The following FABP1 variants were observed in gnomAD, a reference collection of about 807,000 sequenced individuals.
FABP1 encodes the protein fatty acid-binding protein, liver.
A neutral mutation model predicts 13.7 loss-of-function variants in FABP1; 13 were observed. The observed-to-expected ratio is 0.95, with a 90% CI of 0.62 to 1.51. The LOEUF (loss-of-function observed/expected upper bound fraction) is 1.51. Among genes scored for constraint, FABP1 ranks in the 40% most tolerant of loss-of-function variants. The pLI is 0.00. For synonymous variants in FABP1, 48 were observed against 59.8 expected (o/e 0.80, Z 0.91); for missense variants, 140 against 155.7 (o/e 0.90, Z 0.54).
rs1324514528 is a variant in FABP1, at chr2:88,123,192, A to G, written c.334-88T>C. ...AAGCATAAAAAACAAAATTAAGCTT[A>G]AAAAACAGCACCAAATATGTTGGCA... On this transcript the variant is annotated intron_variant, in intron 3 of 3. Transcript: ENST00000295834. The G allele has an allele frequency of 1.1e-5, 12 of 1,044,134 alleles. No individual in the cohort carries two copies. In the East Asian group the frequency reaches 3.0e-4, roughly 26 times the overall value. 64.7% of individuals were successfully genotyped at this position (1,044,134 alleles called of 1,614,324 possible).
chr2:88,126,604 C>T (rs1167631920), intron 1 of FABP1: 10 of 379,522 alleles, frequency 2.6e-5, no homozygotes, highest in Non-Finnish European at 3.9e-5. Flanking sequence ...CCTGAAGAAC[C>T]GTTCCTCTTG....
intron 3 of FABP1, chr2:88,123,421 A>G (rs572348703): frequency 5.5e-6 from 2 of 362,054 alleles, no homozygotes; most frequent in South Asian, 3.8e-5. Context: ...TCAAAATTTC[A>G]TTGAGTACCT....
In FABP1 at chr2:88,124,612, T is replaced by A. The variant is rs1675263633; in HGVS notation, c.241-26A>T. On this transcript the variant is annotated intron_variant, in intron 2 of 3. Transcript: ENST00000295834. ...CTGCAGGGAACAGAGAGGTGACCTG[T>A]GAGGAAGGGGTGGTGGGGGGCAAGA... 2.6e-6 allele frequency: 4 copies of A among 1,567,166 alleles called. No individual in the cohort carries two copies. In the South Asian group the frequency reaches 4.5e-5, roughly 18 times the overall value.
chr2:88,126,182 T>G lies in FABP1; in HGVS notation c.234A>C (p.Lys78Asn), dbSNP rs770473775. Residue 78 changes from lysine (K) to asparagine (N), a missense_variant, in exon 2 of 4, where the codon AAA becomes AAC. Physicochemically the swap from Lys to Asn is moderately conservative, Grantham distance 94. Coordinates refer to ENST00000295834, the MANE Select transcript of FABP1 (RefSeq NM_001443.3). Reference protein sequence around the residue: ...ECELETMTGEKVKTVVQLEGD... With the variant: ...ECELETMTGENVKTVVQLEGD... ...AGAAGGGATGCCCTCCTACCTTGAC[T>G]TTCTCCCCTGTCATTGTCTCCAGCT... 6.2e-7 allele frequency: 1 copy of G among 1,603,542 alleles called. No homozygotes were observed. Among genetic ancestry groups the G allele is most frequent in the Non-Finnish European group, 8.5e-7 (1 of 1,171,646 alleles).
chr2:88,124,360 C>T, intron 3 of FABP1, 134 bp downstream of exon 3: 1 of 614,802 alleles, frequency 1.6e-6, no homozygotes, highest in Non-Finnish European at 2.9e-6. Flanking sequence ...CTGGCAGATA[C>T]TGACCACAGG....
chr2:88,124,845 C>T (rs1236055822), intron 2 of FABP1, among the ~76,000 whole-genome samples: 2 of 152,140 alleles, frequency 1.3e-5, no homozygotes, highest in South Asian at 4.1e-4. Context: ...ACCTAAGTGG[C>T]CCCAAATACA....
At chr2:88,127,904 C>T (rs1675329580) in intron 1 of FABP1, 47 bp downstream of exon 1, 2 of 1,587,136 alleles carry the variant, frequency 1.3e-6, no homozygotes, top group Non-Finnish European at 1.7e-6. Flanking sequence ...TAGAGCTAGA[C>T]CCTCACTGAT....
At chr2:88,124,973 CT>C (rs10707485) in intron 2 of FABP1, among the ~76,000 whole-genome samples, 92,026 of 143,146 alleles carry the variant, frequency 0.64, 29,060 homozygotes, top group East Asian at 0.78. Context: ...ATGTATTCTT[CT>C]TTTTTTTTTT....
chr2:88,126,470 G>T, intron 1 of FABP1, 122 bp from the exon 2 acceptor site: 1 of 1,023,166 alleles, frequency 9.8e-7, no homozygotes, highest in Non-Finnish European at 1.5e-6. Flanking sequence ...CTCCCAAGGG[G>T]CCACAGAAAC....
At chr2:88,123,211 G>A in intron 3 of FABP1, 107 bp from the exon 4 acceptor site, 1 of 850,470 alleles carries the variant, frequency 1.2e-6, no homozygotes, top group Non-Finnish European at 1.9e-6. Context: ...CACCAAATAT[G>A]TTGGCATATG....
At chr2:88,127,144 C>T (rs990794494) in intron 1 of FABP1, among the ~76,000 whole-genome samples, 2 of 152,170 alleles carry the variant, frequency 1.3e-5, no homozygotes, top group Non-Finnish European at 2.9e-5. Flanking sequence ...ATAGGGCTCC[C>T]TCTGCCTGGA....
chr2:88,126,595 C>T, intron 1 of FABP1: 1 of 410,216 alleles, frequency 2.4e-6, no homozygotes, highest in South Asian at 4.8e-5. Context: ...CTCTTCTGGC[C>T]TGAAGAACCG....
rs765436674 is a variant in FABP1 at position 88,123,028 on chromosome 2, T to G, written c.*26A>C. The stretch of plus-strand genomic sequence containing the variant: ...ACTTTATTACATTAATTTTACACAC[T>G]AAAATAATATGAAATGCAGACTTGT... On this transcript the variant is annotated 3_prime_UTR_variant, in exon 4 of 4. Transcript: ENST00000295834. The G allele has an allele frequency of 6.3e-7, 1 of 1,587,180 alleles. No individual in the cohort carries two copies. The highest frequency in any genetic ancestry group is 1.8e-5 in the Admixed American group (1 of 56,352).
rs539501347 is a variant in FABP1, at chr2:88,126,128, G to A, written c.240+48C>T. 7.6e-5 allele frequency: 118 copies of A among 1,555,072 alleles called. No individual in the cohort carries two copies. The South Asian group carries it at 1.3e-3, about 18-fold the overall frequency. Reference sequence around the variant, plus strand: ...TGAGCCTTGAGGAATGAGGTCCCAGGGCCAGGTTCCAAGGAAAGTTCTGAC... The same window carrying A: ...TGAGCCTTGAGGAATGAGGTCCCAGAGCCAGGTTCCAAGGAAAGTTCTGAC... On this transcript the variant is annotated intron_variant, in intron 2 of 3. Transcript: ENST00000295834.
At position 88,124,489 on chromosome 2, in the gene FABP1, C is replaced by T. The variant is rs745685731; in HGVS notation, c.333+5G>A. Reference sequence around the variant, plus strand: ...AGCCACACGCTCAGAGCACCACCAACTTACATTGGTGATTATGTCGCCGTT... The same window carrying T: ...AGCCACACGCTCAGAGCACCACCAATTTACATTGGTGATTATGTCGCCGTT... On this transcript the variant is annotated splice_donor_5th_base_variant and intron_variant, in intron 3 of 3. Transcript: ENST00000295834. 6.2e-7 allele frequency: 1 copy of T among 1,602,666 alleles called. No individual in the cohort carries two copies.
intron 2 of FABP1, 58 bp downstream of exon 2, chr2:88,126,118 G>A (rs779335883): frequency 1.8e-5 from 28 of 1,531,344 alleles, no homozygotes; most frequent in Non-Finnish European, 2.4e-5. Context: ...CTTGAGGAAT[G>A]AGGTCCCAGG....
chr2:88,123,239 G>A (rs2197076), intron 3 of FABP1, 135 bp from the exon 4 acceptor site: 148,276 of 709,064 alleles, frequency 0.21, 19,880 homozygotes, highest in East Asian at 0.51. Flanking sequence ...TCAAAAATTC[G>A]TCTGGTTTCC....
intron 3 of FABP1, chr2:88,124,282 C>A: frequency 2.0e-6 from 1 of 488,658 alleles, no homozygotes; most frequent in Non-Finnish European, 3.6e-6. Context: ...TGGTTGGTTG[C>A]GCTGAGCAGA....
chr2:88,126,425 G>T, intron 1 of FABP1, 77 bp from the exon 2 acceptor site: 4 of 1,441,946 alleles, frequency 2.8e-6, no homozygotes, highest in African/African-American at 1.4e-5. Flanking sequence ...TGAGAGAAAC[G>T]ACATGACATG....
Sources: allele counts gnomAD v4.1 joint callset (sites outside exome capture counted in the v4.1 genomes callset), GRCh38; gene constraint gnomAD v4.1.1; transcripts MANE v1.5; gene names NCBI Gene and HGNC (gene_info 2026-07-23, HGNC 2026-07-21).